NDUFAF6: variants seen among roughly 807,000 people sequenced by gnomAD.
NDUFAF6 encodes the protein NADH:ubiquinone oxidoreductase complex assembly factor 6.
A neutral mutation model predicts 40.8 loss-of-function variants in NDUFAF6; 45 were observed. The ratio of observed to expected loss-of-function variants is 1.10; its 90% CI spans 0.87 to 1.42. The LOEUF (loss-of-function observed/expected upper bound fraction) is 1.42. Ranked by LOEUF, NDUFAF6 falls within the 40% of genes most tolerant of loss-of-function variation. The pLI is 0.00. For synonymous variants in NDUFAF6, 185 were observed against 155.9 expected (o/e 1.19, Z -1.39); for missense variants, 435 against 418.5 (o/e 1.04, Z -0.34).
rs1472725044 is a variant in NDUFAF6 at position 94,916,837 on chromosome 8, G to A, written c.-936+20910G>A. ...ATATCAAAAAAAAAAAAAAAAGGCC[G>A]GGCGCGGTGGCTCACACCTGTAATC... is the stretch of plus-strand genomic sequence containing the variant. On this transcript the variant is annotated intron_variant, in intron 1 of 14. Coordinates refer to the NDUFAF6 transcript ENST00000396113. 1.5e-3 allele frequency among the ~76,000 whole-genome samples: 185 copies of A among 123,312 alleles called. 2 individuals carry two copies. Among genetic ancestry groups the A allele is most frequent in the African/African-American group, 5.3e-3 (174 of 33,090 alleles). The allele number at this position is 123,312 out of a possible 152,430, so 80.9% of individuals were successfully genotyped here. A position where few individuals can be genotyped will look rare whatever the true frequency, so the allele number is the denominator to read the frequency against.
At chr8:95,072,241 C>A (rs1168922598) in intron 9 of NDUFAF6, among the ~76,000 whole-genome samples, 6 of 152,172 alleles carry the variant, frequency 3.9e-5, no homozygotes, top group Admixed American at 3.9e-4. Context: ...ACCCCCAGAC[C>A]TGCCCAGGGC....
At chr8:95,049,574 T>A (rs968485657) in intron 7 of NDUFAF6, among the ~76,000 whole-genome samples, 2 of 151,984 alleles carry the variant, frequency 1.3e-5, no homozygotes, top group Admixed American at 6.6e-5. Context: ...GAACCTTTTC[T>A]TTTTTTTAGC....
chr8:94,990,115 T>C (rs890115318), intron 2 of NDUFAF6, among the ~76,000 whole-genome samples: 10 of 152,168 alleles, frequency 6.6e-5, no homozygotes, highest in African/African-American at 1.9e-4. Context: ...AAGGAAAGGG[T>C]TGGCCTCCAG....
Position 95,048,600 on chromosome 8 carries a change from A to G in NDUFAF6, c.816+42A>G, listed in dbSNP as rs1418928186. On this transcript the variant is annotated intron_variant, in intron 7 of 8. Transcript: ENST00000396124. ...TTGCCAAATCATTTAGGGAATAATC[A>G]TTTCTAGATGTGGCTCTTCTTAGAA... The G allele has an allele frequency of 3.0e-6, 4 of 1,343,324 alleles. No individual in the cohort carries two copies. The South Asian group carries it at 4.7e-5, about 16-fold the overall frequency. The allele number at this position is 1,343,324 out of a possible 1,614,324, so 83.2% of individuals were successfully genotyped here. A position where few individuals can be genotyped will look rare whatever the true frequency, so the allele number is the denominator to read the frequency against.
intron 8 of NDUFAF6, among the ~76,000 whole-genome samples, chr8:95,054,332 A>G (rs1831830353): frequency 6.6e-6 from 1 of 152,024 alleles, no homozygotes; most frequent in South Asian, 2.1e-4. Context: ...TGGACTAGCA[A>G]TATCTACCTC....
intron 1 of NDUFAF6, among the ~76,000 whole-genome samples, chr8:94,935,477 A>C (rs540457406): frequency 1.1e-4 from 16 of 152,368 alleles, no homozygotes; most frequent in Middle Eastern, 3.4e-3. Context: ...GGAAACTTAA[A>C]AAGCCAGAAG....
At chr8:95,075,791 A>G (rs1263138605) in exon 10 of NDUFAF6, 2 of 950,410 alleles carry the variant, frequency 2.1e-6, no homozygotes, top group Non-Finnish European at 2.9e-6. Flanking sequence ...AACTAGCTCT[A>G]GGCCAATCTT....
intron 2 of NDUFAF6, among the ~76,000 whole-genome samples, chr8:94,995,486 G>A (rs990392523): frequency 7.9e-5 from 12 of 152,032 alleles, no homozygotes; most frequent in South Asian, 6.2e-4. Flanking sequence ...AATTTGAGCC[G>A]GGAATGGTGG....
intron 2 of NDUFAF6, among the ~76,000 whole-genome samples, chr8:94,982,218 C>T (rs906652839): frequency 1.3e-5 from 2 of 150,536 alleles, no homozygotes; most frequent in African/African-American, 2.5e-5. Context: ...GGCAACAGAG[C>T]GAGACTCCAT....
chr8:94,982,766 A>G lies in NDUFAF6; in HGVS notation c.-84+1793A>G, dbSNP rs575495590. 1.2e-4 allele frequency among the ~76,000 whole-genome samples: 19 copies of G among 152,388 alleles called. 1 individual carries two copies. Among genetic ancestry groups the G allele is most frequent in the South Asian group, 6.2e-4 (3 of 4,832 alleles). The stretch of plus-strand genomic sequence containing the variant: ...GAGCATGCATGTAATAGAAACCTTG[A>G]GATTCTGGCTTCAAAGCTGAGAACA... On this transcript the variant is annotated intron_variant, in intron 2 of 9. Coordinates refer to the NDUFAF6 transcript ENST00000396111.
Position 95,025,054 on chromosome 8 carries a change from G to A in NDUFAF6, c.46G>A (p.Gly16Ser). The A allele has an allele frequency of 7.0e-7, 1 of 1,418,636 alleles. No individual in the cohort carries two copies. Among genetic ancestry groups the A allele is most frequent in the Non-Finnish European group, 9.1e-7 (1 of 1,098,508 alleles). 87.9% of individuals were successfully genotyped at this position (1,418,636 alleles called of 1,614,324 possible). Residue 16 changes from glycine (G) to serine (S), a missense_variant, in exon 1 of 9, where the codon GGC (glycine) becomes AGC (serine). By Grantham distance (56) the Gly-to-Ser change is moderately conservative. Transcript: ENST00000396124. ...HGSVWGPLRL[G>S]IPGLCCRRPP... The stretch of plus-strand genomic sequence containing the variant: ...CTCTGTCTGGGGGCCGTTGCGGCTT[G>A]GCATCCCCGGCCTGTGCTGCCGCCG...
Position 95,006,956 on chromosome 8 carries a change from G to A in NDUFAF6, c.-83-25039G>A, listed in dbSNP as rs187732887. ...ATTAACATGTTGGGAGAGTAAGACC[G>A]AAAGACTCCTTGGAGTCCATATAAT... On this transcript the variant is annotated intron_variant, in intron 2 of 9. Transcript: ENST00000396111. Among the ~76,000 whole-genome samples, 15 of 149,706 alleles carry A rather than the reference G, an allele frequency of 1.0e-4. No homozygotes were observed. In the East Asian group the frequency reaches 2.0e-3, roughly 19 times the overall value.
At chr8:95,038,121 CCTTGG>C (rs1829717556) in intron 3 of NDUFAF6, among the ~76,000 whole-genome samples, 1 of 152,202 alleles carries the variant, frequency 6.6e-6, no homozygotes, top group Non-Finnish European at 1.5e-5. Flanking sequence ...CATCCTCCCA[CCTTGG>C]CTTCCCAAAG....
At chr8:94,958,680 A>C (rs1823300020) in intron 1 of NDUFAF6, among the ~76,000 whole-genome samples, 3 of 151,666 alleles carry the variant, frequency 2.0e-5, no homozygotes, top group Admixed American at 2.0e-4. Context: ...GATTACAGGC[A>C]CACGCCACCA....
intron 1 of NDUFAF6, among the ~76,000 whole-genome samples, chr8:94,962,051 G>T (rs759289235): frequency 1.2e-4 from 18 of 152,168 alleles, no homozygotes; most frequent in Admixed American, 3.9e-4. Flanking sequence ...CTTCCAGCTA[G>T]GGGTGGCCAT....
At chr8:95,004,349 C>CTTTTT (rs11422482) in intron 2 of NDUFAF6, among the ~76,000 whole-genome samples, 44 of 92,406 alleles carry the variant, frequency 4.8e-4, no homozygotes, top group African/African-American at 6.3e-4. Context: ...CTCACCATTA[C>CTTTTT]TTTTTTTTTT....
chr8:95,074,866 G>C (rs117315318), intron 9 of NDUFAF6, among the ~76,000 whole-genome samples: 10 of 152,212 alleles, frequency 6.6e-5, no homozygotes, highest in African/African-American at 2.2e-4. Flanking sequence ...AGAGCCCTTA[G>C]ATCAAGGGCC....
chr8:94,930,394 G>A, intron 1 of NDUFAF6: 1 of 1,547,414 alleles, frequency 6.5e-7, no homozygotes, highest in Non-Finnish European at 8.8e-7. Flanking sequence ...TGGTTGTAAA[G>A]AGACAACATT....
At chr8:94,912,140 C>T (rs1818825236) in intron 1 of NDUFAF6, among the ~76,000 whole-genome samples, 1 of 152,196 alleles carries the variant, frequency 6.6e-6, no homozygotes, top group Non-Finnish European at 1.5e-5. Context: ...ACAGTGGTCT[C>T]TATCCTACGA....
Sources: allele counts gnomAD v4.1 joint callset (sites outside exome capture counted in the v4.1 genomes callset), GRCh38; gene constraint gnomAD v4.1.1; transcripts MANE v1.5; gene names NCBI Gene and HGNC (gene_info 2026-07-23, HGNC 2026-07-21).